DCHS2: variants seen among roughly 807,000 people sequenced by gnomAD.
DCHS2 encodes dachsous cadherin-related 2.
A neutral mutation model predicts 182.4 loss-of-function variants in DCHS2; 142 were observed. That is an observed-to-expected ratio of 0.78 (90% confidence interval 0.68 to 0.89). DCHS2 has a LOEUF of 0.89. DCHS2 is among the 40% of genes least tolerant of loss of function. The pLI is 0.00. For synonymous variants in DCHS2, 1,740 were observed against 1,663.3 expected, an observed-to-expected ratio of 1.05 and a Z score of -1.12; for missense variants, 4,319 against 4,198.6, an observed-to-expected ratio of 1.03 and a Z score of -0.79.
rs116029479 is a variant in DCHS2, at chr4:154,298,230, G to C, written c.6084C>G (p.Val2028=). 0.05 allele frequency: 81,263 copies of C among 1,614,080 alleles called. 2,330 individuals carry two copies. Among genetic ancestry groups the C allele is most frequent in the Non-Finnish European group, 0.06 (70,637 of 1,180,004 alleles). ...RSTTVIIKVY[V]TDVNDNDPVL... ...CTGGATCATTGTCATTAACATCAGT[G>C]ACATATACTTTTATAATTACAGTGG... The change falls in exon 13 of 20, where the codon GTC becomes GTG. Residue 2028 remains valine (V), a synonymous_variant. Transcript: ENST00000357232.
chr4:154,430,655 G>A (rs1170871688), intron 1 of DCHS2, among the ~76,000 whole-genome samples: 1 of 152,204 alleles, frequency 6.6e-6, no homozygotes, highest in African/African-American at 2.4e-5. Flanking sequence ...AGCATGAGTT[G>A]TGTGGTGTAG....
At chr4:154,410,974 G>A (rs1007090428) in intron 1 of DCHS2, among the ~76,000 whole-genome samples, 7 of 152,120 alleles carry the variant, frequency 4.6e-5, no homozygotes, top group Non-Finnish European at 7.4e-5. Flanking sequence ...GATGTTATAC[G>A]CAAAATGCTA....
At chr4:154,434,594 G>A (rs1422050932) in intron 1 of DCHS2, among the ~76,000 whole-genome samples, 1 of 152,024 alleles carries the variant, frequency 6.6e-6, no homozygotes, top group Non-Finnish European at 1.5e-5. Flanking sequence ...CTGGGTAAAG[G>A]GTACATGAGT....
chr4:154,364,874 T>C (rs1442228296), intron 3 of DCHS2, among the ~76,000 whole-genome samples: 1 of 152,198 alleles, frequency 6.6e-6, no homozygotes, highest in African/African-American at 2.4e-5. Context: ...CTACCCACTG[T>C]TTGGATCAGG....
At chr4:154,343,459 T>C in intron 3 of DCHS2, 3 of 1,432,990 alleles carry the variant, frequency 2.1e-6, no homozygotes, top group Non-Finnish European at 1.8e-6. Flanking sequence ...TATTGTTTAG[T>C]GTAACCACCT....
chr4:154,402,697 T>TA, intron 1 of DCHS2, among the ~76,000 whole-genome samples: 1 of 152,304 alleles, frequency 6.6e-6, no homozygotes, highest in East Asian at 1.9e-4. Flanking sequence ...ACTTCTGAGT[T>TA]AATGCTAGAA....
intron 3 of DCHS2, among the ~76,000 whole-genome samples, chr4:154,351,608 AC>A (rs1561062042): frequency 6.6e-6 from 1 of 152,106 alleles, no homozygotes; most frequent in African/African-American, 2.4e-5. Context: ...GGTACCAGGG[AC>A]CGGTTTCGTG....
intron 7 of DCHS2, 56 bp downstream of exon 7, chr4:154,328,037 T>C: frequency 1.5e-6 from 2 of 1,291,130 alleles, no homozygotes. Flanking sequence ...GGATAGTTGA[T>C]AAATGAAAGC....
chr4:154,369,536 T>A (rs972525552), intron 2 of DCHS2, among the ~76,000 whole-genome samples: 2 of 152,224 alleles, frequency 1.3e-5, no homozygotes, highest in Non-Finnish European at 2.9e-5. Context: ...GTTTCGATAA[T>A]GCAACCTCAT....
intron 16 of DCHS2, among the ~76,000 whole-genome samples, chr4:154,247,608 G>T (rs1732135911): frequency 7.8e-6 from 1 of 128,598 alleles, no homozygotes; most frequent in South Asian, 2.3e-4. Context: ...CACCACTCCA[G>T]CCTGGGTGAA....
chr4:154,258,761 G>A (rs1192981193), intron 15 of DCHS2, among the ~76,000 whole-genome samples: 1 of 152,030 alleles, frequency 6.6e-6, no homozygotes, highest in Admixed American at 6.5e-5. Context: ...CCATGTAAAC[G>A]CCTTACCCCA....
Position 154,386,836 on chromosome 4 carries a change from G to A in DCHS2, c.2053-9392C>T, listed in dbSNP as rs955673428. ...GAAACACATAAGAACAAGATGGTTC[G>A]TGACACTCATCAAACACTCATTGAG... is the stretch of plus-strand genomic sequence containing the variant. On this transcript the variant is annotated intron_variant, in intron 1 of 19. Transcript: ENST00000357232. 5.3e-5 allele frequency among the ~76,000 whole-genome samples: 8 copies of A among 152,126 alleles called. No individual in the cohort carries two copies. The East Asian group carries it at 5.8e-4, about 11-fold the overall frequency.
chr4:154,328,816 C>T (rs1171181895), intron 6 of DCHS2, among the ~76,000 whole-genome samples: 2 of 152,042 alleles, frequency 1.3e-5, no homozygotes, highest in Non-Finnish European at 2.9e-5. Context: ...TTATGAGTTC[C>T]TCAATACTTT....
intron 1 of DCHS2, among the ~76,000 whole-genome samples, chr4:154,428,303 G>A (rs1454612884): frequency 1.3e-5 from 2 of 152,216 alleles, no homozygotes; most frequent in African/African-American, 2.4e-5. Flanking sequence ...AACTTTGGAA[G>A]TTGAGGCGGG....
At chr4:154,407,848 T>G (rs6853780) in intron 1 of DCHS2, among the ~76,000 whole-genome samples, 108,540 of 152,032 alleles carry the variant, frequency 0.71, 40,401 homozygotes, top group Admixed American at 0.82. Flanking sequence ...GCAAAAGCCC[T>G]GCATAAAGAT....
chr4:154,439,665 C>T (rs1305895671), intron 1 of DCHS2, among the ~76,000 whole-genome samples: 1 of 152,092 alleles, frequency 6.6e-6, no homozygotes, highest in Non-Finnish European at 1.5e-5. Context: ...TTCTTTTTAA[C>T]TTTGTGCTGT....
chr4:154,279,639 A>C (rs1368881411), intron 13 of DCHS2, among the ~76,000 whole-genome samples: 1 of 152,050 alleles, frequency 6.6e-6, no homozygotes, highest in African/African-American at 2.4e-5. Flanking sequence ...CTACTGATAC[A>C]TCAAAAGGAA....
intron 15 of DCHS2, among the ~76,000 whole-genome samples, chr4:154,257,224 G>A (rs1002893469): frequency 6.6e-6 from 1 of 152,142 alleles, no homozygotes; most frequent in Non-Finnish European, 1.5e-5. Flanking sequence ...CTCCAGCCTG[G>A]CGACAGAGCG....
chr4:154,403,832 T>C (rs1732291835), intron 1 of DCHS2, among the ~76,000 whole-genome samples: 1 of 152,214 alleles, frequency 6.6e-6, no homozygotes, highest in African/African-American at 2.4e-5. Context: ...TGTGTCAGTT[T>C]TGTAAACTTG....
Sources: allele counts gnomAD v4.1 joint callset (sites outside exome capture counted in the v4.1 genomes callset), GRCh38; gene constraint gnomAD v4.1.1; transcripts MANE v1.5; gene names NCBI Gene and HGNC (gene_info 2026-07-23, HGNC 2026-07-21).